Variants in ATXN2 observed in about 807,000 individuals in gnomAD.
ATXN2 encodes ataxin-2.
A neutral mutation model predicts 138.6 loss-of-function variants in ATXN2; 37 were observed. That is an observed-to-expected ratio of 0.27 (90% CI 0.21 to 0.35). ATXN2 has a LOEUF of 0.35. ATXN2 is among the 10% of genes least tolerant of loss of function. The probability of loss-of-function intolerance (pLI) is 1.00; values close to 1 mark genes in which losing one functional copy is unlikely to be tolerated. For synonymous variants in ATXN2, 549 were observed against 543.7 expected, an observed-to-expected ratio of 1.01 and a Z score of -0.13; for missense variants, 1,216 against 1,480.3, an observed-to-expected ratio of 0.82 and a Z score of 2.93.
chr12:111,497,047 G>A (rs1309817694), intron 14 of ATXN2, among the ~76,000 whole-genome samples: 1 of 151,920 alleles, frequency 6.6e-6, no homozygotes, highest in African/African-American at 2.4e-5. Flanking sequence ...TGTTACCACC[G>A]AAATTCAAAG....
At chr12:111,591,181 G>A (rs949830170) in intron 1 of ATXN2, among the ~76,000 whole-genome samples, 8 of 152,024 alleles carry the variant, frequency 5.3e-5, no homozygotes, top group Admixed American at 2.0e-4. Context: ...GAGCCACCGT[G>A]CCCGGCCGGT....
At chr12:111,469,990 A>G in intron 20 of ATXN2, 118 bp downstream of exon 20, 2 of 1,223,094 alleles carry the variant, frequency 1.6e-6, no homozygotes, top group Non-Finnish European at 2.2e-6. Flanking sequence ...CTTTTCCTTC[A>G]GATTCTTGAC....
At chr12:111,543,102 A>G (rs926599327) in intron 5 of ATXN2, among the ~76,000 whole-genome samples, 4 of 151,992 alleles carry the variant, frequency 2.6e-5, no homozygotes, top group African/African-American at 4.8e-5. Context: ...CTTTCTTTTA[A>G]TCTCAATAAT....
In ATXN2 at chr12:111,456,065, C is replaced by T. The variant is rs143166155; in HGVS notation, c.3234G>A (p.Ala1078=). ...FTIHPSHVQP[A]YTNPPHMAHV... ...GGGCCATGTGGGGTGGGTTGGTATA[C>T]GCCGGCTGAACGTGAGAAGGATGGA... is the stretch of plus-strand genomic sequence containing the variant. Residue 1078 remains alanine, a synonymous_variant, in exon 23 of 25, where the codon GCG becomes GCA. Transcript: ENST00000673436. The T allele has an allele frequency of 4.0e-3, 6,463 of 1,614,146 alleles. 32 individuals are homozygous for T. The highest frequency in any genetic ancestry group is 0.012 in the South Asian group (1,066 of 91,082).
At chr12:111,579,526 T>C (rs1234857194) in intron 1 of ATXN2, among the ~76,000 whole-genome samples, 1 of 152,082 alleles carries the variant, frequency 6.6e-6, no homozygotes, top group African/African-American at 2.4e-5. Context: ...CCTTCCAAAA[T>C]GCTGGGATTA....
intron 14 of ATXN2, among the ~76,000 whole-genome samples, chr12:111,505,837 A>AG (rs1879070452): frequency 6.6e-6 from 1 of 152,242 alleles, no homozygotes; most frequent in East Asian, 1.9e-4. Context: ...TTCAACTCCT[A>AG]GGTAGGTACA....
intron 14 of ATXN2, among the ~76,000 whole-genome samples, chr12:111,494,790 A>C (rs1482742460): frequency 6.6e-6 from 1 of 152,182 alleles, no homozygotes; most frequent in Non-Finnish European, 1.5e-5. Context: ...AGGAAATTAA[A>C]ACATACCACC....
chr12:111,478,041 C>A (rs992169214), intron 18 of ATXN2, among the ~76,000 whole-genome samples: 8 of 151,850 alleles, frequency 5.3e-5, no homozygotes, highest in African/African-American at 1.9e-4. Context: ...AATGATCCAT[C>A]CAGGTTGGCC....
intron 18 of ATXN2, chr12:111,479,045 T>C (rs1877026386): frequency 2.7e-6 from 1 of 374,298 alleles, no homozygotes; most frequent in South Asian, 1.3e-4. Context: ...AATAAATTTT[T>C]TAAAAAAATG....
At position 111,493,418 on chromosome 12, in the gene ATXN2, C is replaced by CAAAAAA. The variant is rs59185968; in HGVS notation, c.1936-4644_1936-4639dup. Among the ~76,000 whole-genome samples, 17 of 45,626 alleles carry CAAAAAA rather than the reference C, an allele frequency of 3.7e-4. 4 individuals are homozygous for CAAAAAA. The highest frequency in any genetic ancestry group is 1.5e-3 in the African/African-American group (15 of 10,008). The allele number at this position is 45,626 out of a possible 152,430, so 29.9% of individuals were successfully genotyped here. A position where few individuals can be genotyped will look rare whatever the true frequency, so the allele number is the denominator to read the frequency against. On this transcript the variant is annotated intron_variant, in intron 14 of 24. Coordinates refer to ENST00000673436, the MANE Select transcript of ATXN2 (RefSeq NM_001372574.1). ...CTGGTAACAGAGCATGACTCTGTCT[C>CAAAAAA]AAAAAAAAAAAAAAAAAAAAAAAGT...
At chr12:111,468,410 A>C (rs1876176087) in intron 20 of ATXN2, 1 of 152,246 alleles carries the variant, frequency 6.6e-6, no homozygotes, top group Non-Finnish European at 1.5e-5. Context: ...ACAAAATTGA[A>C]AGTGATAATG....
intron 1 of ATXN2, among the ~76,000 whole-genome samples, chr12:111,574,633 G>C (rs1395198095): frequency 6.6e-6 from 1 of 151,954 alleles, no homozygotes; most frequent in African/African-American, 2.4e-5. Flanking sequence ...ATGTTGCCTA[G>C]GCTGATCTTG....
intron 18 of ATXN2, among the ~76,000 whole-genome samples, chr12:111,474,051 T>C (rs976198242): frequency 1.3e-5 from 2 of 152,112 alleles, no homozygotes; most frequent in Non-Finnish European, 2.9e-5. Flanking sequence ...CGAAACCCTG[T>C]CTCTACAAAA....
chr12:111,470,033 G>A, intron 20 of ATXN2, 75 bp downstream of exon 20: 4 of 1,467,014 alleles, frequency 2.7e-6, no homozygotes, highest in Non-Finnish European at 3.7e-6. Context: ...GTTATTCTTA[G>A]ATAGAGTATG....
intron 6 of ATXN2, 97 bp downstream of exon 6, chr12:111,525,095 C>T (rs1049853103): frequency 3.4e-6 from 5 of 1,451,152 alleles, no homozygotes; most frequent in Non-Finnish European, 4.6e-6. Context: ...ACACTCACTA[C>T]AATAACAACA....
chr12:111,516,662 T>C lies in ATXN2; in HGVS notation c.1166-299A>G, dbSNP rs1220826821. On this transcript the variant is annotated intron_variant, in intron 9 of 24. Coordinates refer to ENST00000673436, the MANE Select transcript of ATXN2 (RefSeq NM_001372574.1). This position sits in a 1 kb window ranked among gnomAD's most constrained non-coding sequence, Gnocchi z 5.0. Reference sequence around the variant, plus strand: ...AGACTTTGCCTATTAATCCTGCTTCTATAACTGTTTCTCAGTAACTGGTTG... The same window carrying C: ...AGACTTTGCCTATTAATCCTGCTTCCATAACTGTTTCTCAGTAACTGGTTG... Among the ~76,000 whole-genome samples the C allele has an allele frequency of 1.3e-5, 2 of 152,214 alleles. No homozygotes were observed. The highest frequency in any genetic ancestry group is 2.9e-5 in the Non-Finnish European group (2 of 68,024).
intron 16 of ATXN2, 101 bp downstream of exon 16, chr12:111,486,660 C>T (rs1320174965): frequency 7.2e-6 from 7 of 978,362 alleles, no homozygotes; most frequent in Non-Finnish European, 1.1e-5. Flanking sequence ...TGGTTCAGCA[C>T]ACTAAAACAA....
At chr12:111,551,609 G>C (rs1882125066) in intron 5 of ATXN2, among the ~76,000 whole-genome samples, 1 of 151,858 alleles carries the variant, frequency 6.6e-6, no homozygotes, top group African/African-American at 2.4e-5. Flanking sequence ...CTTATACTTT[G>C]ATTTCTTTCC....
intron 1 of ATXN2, among the ~76,000 whole-genome samples, chr12:111,573,974 AAT>A (rs1233332502): frequency 4.0e-5 from 6 of 151,466 alleles, no homozygotes; most frequent in Non-Finnish European, 7.4e-5. Context: ...TTTAATAATA[AAT>A]AGACATTCTT....
Sources: gnomAD v4.1 joint callset for allele counts (sites outside exome capture counted in the v4.1 genomes callset) on GRCh38, gnomAD v4.1.1 for gene constraint, Gnocchi (gnomAD v3.1) non-coding constraint, MANE v1.5 for transcripts, NCBI Gene and HGNC (gene_info 2026-07-23, HGNC 2026-07-21) for gene names.